Variants in TRPM6 observed in about 807,000 individuals in gnomAD.
TRPM6 encodes transient receptor potential cation channel subfamily M member 6.
A neutral mutation model predicts 247.6 loss-of-function variants in TRPM6; 111 were observed. That is an observed-to-expected ratio of 0.45 (90% CI 0.38 to 0.52). TRPM6 has a LOEUF of 0.52. Ranked by LOEUF, TRPM6 falls within the 20% of genes least tolerant of loss-of-function variation. The probability of loss-of-function intolerance (pLI) is 0.00; values close to 1 mark genes in which losing one functional copy is unlikely to be tolerated. For synonymous variants in TRPM6, 892 were observed against 853.8 expected (o/e 1.04, Z -0.78); for missense variants, 2,126 against 2,421.5 (o/e 0.88, Z 2.56).
chr9:74,782,637 T>C, intron 22 of TRPM6, 42 bp downstream of exon 22: 3 of 1,605,514 alleles, frequency 1.9e-6, no homozygotes, highest in South Asian at 1.1e-5. Context: ...TTGTTAACTA[T>C]GAAGGCACAA....
intron 36 of TRPM6, chr9:74,737,250 C>T: frequency 2.3e-6 from 1 of 439,060 alleles, no homozygotes; most frequent in Non-Finnish European, 3.7e-6. Flanking sequence ...AGGACAGAAG[C>T]ACCTATATGT....
intron 9 of TRPM6, among the ~76,000 whole-genome samples, chr9:74,818,964 T>C (rs2117971422): frequency 6.6e-6 from 1 of 152,214 alleles, no homozygotes; most frequent in South Asian, 2.1e-4. Context: ...ATGACATATC[T>C]GTATATTTAC....
rs1282993888 is a variant in TRPM6, at chr9:74,724,052, T to C, written c.*561A>G. 4.5e-5 allele frequency: 7 copies of C among 154,164 alleles called. No homozygotes were observed. Among genetic ancestry groups the C allele is most frequent in the Admixed American group, 2.6e-4 (4 of 15,660 alleles). The allele number at this position is 154,164 out of a possible 1,614,324, so 9.5% of individuals were successfully genotyped here. On this transcript the variant is annotated 3_prime_UTR_variant, in exon 39 of 39. Transcript: ENST00000360774. Reference sequence around the variant, plus strand: ...GATTTCACCAGTATACTTGGTAGTTTGTGCAGGAATGTGCTCCAATCTGTG... The same window carrying C: ...GATTTCACCAGTATACTTGGTAGTTCGTGCAGGAATGTGCTCCAATCTGTG...
intron 14 of TRPM6, among the ~76,000 whole-genome samples, chr9:74,805,590 A>G (rs1828500540): frequency 6.6e-6 from 1 of 152,196 alleles, no homozygotes; most frequent in South Asian, 2.1e-4. Context: ...GTGAATGTGA[A>G]TTTTTCACAT....
intron 23 of TRPM6, among the ~76,000 whole-genome samples, chr9:74,776,311 G>T (rs147557249): frequency 6.5e-4 from 99 of 151,944 alleles, no homozygotes; most frequent in African/African-American, 2.0e-3. Context: ...TACAATCAGA[G>T]AAAAGAAAAT....
intron 18 of TRPM6, among the ~76,000 whole-genome samples, chr9:74,796,104 C>G (rs972914542): frequency 1.3e-5 from 2 of 152,194 alleles, no homozygotes; most frequent in African/African-American, 4.8e-5. Flanking sequence ...ATCAAAAGTG[C>G]TGCCTCCACC....
At chr9:74,860,391 C>A (rs532375160) in intron 1 of TRPM6, among the ~76,000 whole-genome samples, 4 of 152,124 alleles carry the variant, frequency 2.6e-5, no homozygotes, top group Admixed American at 6.5e-5. Context: ...GTTGCCCAGG[C>A]ATTCCAGCCT....
chr9:74,834,655 A>G (rs1479900248), intron 5 of TRPM6, among the ~76,000 whole-genome samples: 1 of 124,992 alleles, frequency 8.0e-6, no homozygotes, highest in Non-Finnish European at 1.6e-5. Context: ...TCCCCACCCT[A>G]TGTCCAAGTG....
At chr9:74,733,952 A>G (rs1036254000) in intron 36 of TRPM6, among the ~76,000 whole-genome samples, 9 of 152,248 alleles carry the variant, frequency 5.9e-5, no homozygotes, top group Non-Finnish European at 8.8e-5. Context: ...TTCAGTTGTG[A>G]AAATTCTTTG....
chr9:74,762,214 C>A lies in TRPM6; in HGVS notation c.4457G>T (p.Arg1486Leu). 1.2e-6 allele frequency: 2 copies of A among 1,614,158 alleles called. No homozygotes were observed. The highest frequency in any genetic ancestry group is 1.7e-5 in the Admixed American group (1 of 60,002). ...LPSTCDSDSS[R>L]SEQHQKQAQD... is the part of the protein sequence containing the mutation. ...GGCCTGCTTCTGGTGCTGTTCACTCCGAGAGGAATCACTGTCACAAGTGGA... is the reference window on the plus strand; with the variant it reads ...GGCCTGCTTCTGGTGCTGTTCACTCAGAGAGGAATCACTGTCACAAGTGGA... The change falls in exon 26 of 39, where the codon CGG becomes CTG. Residue 1486 changes from arginine (R) to leucine (L), a missense_variant. Physicochemically the swap from Arg to Leu is moderately radical, Grantham distance 102. Coordinates refer to ENST00000360774, the MANE Select transcript of TRPM6 (RefSeq NM_017662.5).
intron 34 of TRPM6, 60 bp downstream of exon 34, chr9:74,739,663 C>T (rs1587456476): frequency 6.3e-7 from 1 of 1,599,484 alleles, no homozygotes; most frequent in Non-Finnish European, 8.5e-7. Flanking sequence ...AAGGATGTAG[C>T]CAGATCTCTT....
chr9:74,887,612 C>T (rs1315106087), intron 1 of TRPM6: 1 of 1,539,868 alleles, frequency 6.5e-7, no homozygotes, highest in Non-Finnish European at 8.7e-7. Flanking sequence ...GGGACCTGCC[C>T]TGTAGTAGCG....
chr9:74,762,063 G>A lies in TRPM6; in HGVS notation c.4608C>T (p.Phe1536=), dbSNP rs138213738. The change falls in exon 26 of 39, where the codon TTC becomes TTT. Residue 1536 remains phenylalanine (F), a synonymous_variant. Transcript: ENST00000360774. ...WINPLRRYRP[F]ARSHSFRFHK... ...GGAATCTAAAACTATGACTCCTAGCGAAGGGCCTGTATCTGCGGAGAGGAT... is the reference window on the plus strand; with the variant it reads ...GGAATCTAAAACTATGACTCCTAGCAAAGGGCCTGTATCTGCGGAGAGGAT... 112 of 1,614,150 alleles carry A rather than the reference G, an allele frequency of 6.9e-5. No homozygotes were observed. In the African/African-American group the frequency reaches 1.1e-3, roughly 16 times the overall value.
chr9:74,785,521 T>A (rs1186023795), intron 21 of TRPM6, among the ~76,000 whole-genome samples: 1 of 124,754 alleles, frequency 8.0e-6, no homozygotes, highest in Non-Finnish European at 1.7e-5. Context: ...CAAGAATTCT[T>A]TTGAAAACCT....
rs1175822886 is a variant in TRPM6, at chr9:74,724,261, A to T, written c.*352T>A. Reference sequence around the variant, plus strand: ...TCTGCATACATAGTGAGAAAATAAAATAAATGTATCCCCCCCAACCCCATC... The same window carrying T: ...TCTGCATACATAGTGAGAAAATAAATTAAATGTATCCCCCCCAACCCCATC... On this transcript the variant is annotated 3_prime_UTR_variant, in exon 39 of 39. Transcript: ENST00000360774. 8.7e-6 allele frequency: 3 copies of T among 344,232 alleles called. No individual in the cohort carries two copies. The East Asian group carries it at 2.1e-4, about 24-fold the overall frequency. 21.3% of individuals were successfully genotyped at this position (344,232 alleles called of 1,614,324 possible).
intron 17 of TRPM6, among the ~76,000 whole-genome samples, chr9:74,798,292 T>C (rs1828174844): frequency 6.6e-6 from 1 of 151,748 alleles, no homozygotes; most frequent in Non-Finnish European, 1.5e-5. Context: ...GATGAAATTA[T>C]CTTTTGTCAC....
intron 31 of TRPM6, among the ~76,000 whole-genome samples, chr9:74,745,507 G>A (rs975055055): frequency 2.6e-5 from 4 of 151,996 alleles, no homozygotes; most frequent in Non-Finnish European, 4.4e-5. Flanking sequence ...AAGAGAGTTA[G>A]AAAGCATGGG....
chr9:74,804,599 C>G, intron 14 of TRPM6: 1 of 748,340 alleles, frequency 1.3e-6, no homozygotes, highest in Non-Finnish European at 2.4e-6. Context: ...CTCCTGAGTT[C>G]ACTGCTACTC....
At chr9:74,746,904 G>T (rs1826067337) in intron 31 of TRPM6, among the ~76,000 whole-genome samples, 1 of 152,074 alleles carries the variant, frequency 6.6e-6, no homozygotes, top group Admixed American at 6.6e-5. Context: ...GTGGGAAGGA[G>T]ATTGTAAATG....
Sources: allele counts gnomAD v4.1 joint callset (sites outside exome capture counted in the v4.1 genomes callset), GRCh38; gene constraint gnomAD v4.1.1; transcripts MANE v1.5; gene names NCBI Gene and HGNC (gene_info 2026-07-23, HGNC 2026-07-21).